The following PTPRQ variants were observed in gnomAD, a reference collection of about 807,000 sequenced individuals.
The protein encoded by PTPRQ is phosphatidylinositol phosphatase PTPRQ.
A neutral mutation model predicts 246.0 loss-of-function variants in PTPRQ; 199 were observed. The ratio of observed to expected loss-of-function variants is 0.81; its 90% CI spans 0.72 to 0.91. The LOEUF (loss-of-function observed/expected upper bound fraction) is 0.91, where lower values mean the gene tolerates loss of function less well. Among genes scored for constraint, PTPRQ ranks in the 40% least tolerant of loss-of-function variants. The pLI is 0.00. For missense variants in PTPRQ, 2,624 were observed against 2,528.4 expected (o/e 1.04, Z -0.81); for synonymous variants, 869 against 853.2 (o/e 1.02, Z -0.32).
At chr12:80,570,826 A>G (rs1448314257) in intron 25 of PTPRQ, among the ~76,000 whole-genome samples, 1 of 152,130 alleles carries the variant, frequency 6.6e-6, no homozygotes, top group Non-Finnish European at 1.5e-5. Context: ...TCCCAACACC[A>G]TTTATTAAAT....
intron 25 of PTPRQ, among the ~76,000 whole-genome samples, chr12:80,552,819 A>G (rs572296631): frequency 6.6e-6 from 1 of 151,548 alleles, no homozygotes. Flanking sequence ...GTACTTTCCT[A>G]CTACTGAGTA....
At chr12:80,614,210 G>C (rs2121111766) in intron 29 of PTPRQ, among the ~76,000 whole-genome samples, 1 of 150,756 alleles carries the variant, frequency 6.6e-6, no homozygotes, top group East Asian at 2.0e-4. Context: ...ACAAAAGACA[G>C]AAATAATTGT....
intron 8 of PTPRQ, 65 bp from the exon 9 acceptor site, chr12:80,484,368 T>C (rs1451476710): frequency 1.6e-5 from 24 of 1,486,620 alleles, no homozygotes; most frequent in Non-Finnish European, 1.9e-5. Flanking sequence ...ATTTAGGCAC[T>C]TTTTTCACTT....
chr12:80,632,166 A>G (rs1899462529), intron 33 of PTPRQ, 26 bp from the exon 34 acceptor site: 1 of 1,538,504 alleles, frequency 6.5e-7, no homozygotes, highest in South Asian at 1.2e-5. Flanking sequence ...ATAATATTTA[A>G]TGATCCTGTT....
At chr12:80,650,284 G>A (rs1481552758) in intron 37 of PTPRQ, among the ~76,000 whole-genome samples, 1 of 151,018 alleles carries the variant, frequency 6.6e-6, no homozygotes, top group Admixed American at 6.6e-5. Flanking sequence ...TTAAGAATTT[G>A]TCACTTTAAA....
chr12:80,669,662 C>G (rs746209960), intron 41 of PTPRQ, among the ~76,000 whole-genome samples, 198 bp downstream of exon 41: 1 of 151,966 alleles, frequency 6.6e-6, no homozygotes, highest in Non-Finnish European at 1.5e-5. Context: ...TTCCAGATCA[C>G]TCTAGTTAAA....
chr12:80,567,333 G>C (rs1897008506), intron 25 of PTPRQ, among the ~76,000 whole-genome samples: 1 of 152,132 alleles, frequency 6.6e-6, no homozygotes, highest in Admixed American at 6.6e-5. Context: ...TTATGGGAAA[G>C]CTTTTTTCAT....
At chr12:80,550,026 A>T (rs182084052) in intron 25 of PTPRQ, among the ~76,000 whole-genome samples, 9 of 152,262 alleles carry the variant, frequency 5.9e-5, no homozygotes, top group African/African-American at 1.4e-4. Flanking sequence ...ATTGTGATTT[A>T]AAAGAAGAAA....
chr12:80,606,166 G>C lies in PTPRQ; in HGVS notation c.4731+986G>C, dbSNP rs146325044. 1.7e-3 allele frequency among the ~76,000 whole-genome samples: 258 copies of C among 151,164 alleles called. 1 individual carries two copies. Among genetic ancestry groups the C allele is most frequent in the African/African-American group, 6.1e-3 (252 of 41,432 alleles). On this transcript the variant is annotated intron_variant, in intron 27 of 44. Coordinates refer to ENST00000644991, the MANE Select transcript of PTPRQ (RefSeq NM_001145026.2). ...GTTCAGTATTAGACACACTGAGTTT[G>C]AAATATGTGGCAGTCCTCCAGGTCA...
At position 80,674,777 on chromosome 12, in the gene PTPRQ, C is replaced by T. The variant is rs77843225; in HGVS notation, c.6738+1473C>T. On this transcript the variant is annotated intron_variant, in intron 43 of 44. Coordinates refer to ENST00000644991, the MANE Select transcript of PTPRQ (RefSeq NM_001145026.2). ...TATATACTTAAGACAAAATACTTCT[C>T]TTTTGATAGTGGTTTTAAGTACATA... Among the ~76,000 whole-genome samples the T allele has an allele frequency of 7.9e-3, 1,197 of 152,152 alleles. 8 individuals carry two copies. The highest frequency in any genetic ancestry group is 0.028 in the African/African-American group (1,154 of 41,528).
chr12:80,619,647 CTCT>C lies in PTPRQ; in HGVS notation c.5389+107_5389+109del, dbSNP rs1172679764. 3.4e-5 allele frequency: 30 copies of C among 876,000 alleles called. No homozygotes were observed. In the African/African-American group the frequency reaches 4.5e-4, roughly 13 times the overall value. 54.3% of individuals were successfully genotyped at this position (876,000 alleles called of 1,614,324 possible). A position where few individuals can be genotyped will look rare whatever the true frequency, so the allele number is the denominator to read the frequency against. On this transcript the variant is annotated intron_variant, in intron 31 of 44. Transcript: ENST00000644991. Reference sequence around the variant, plus strand: ...AGATTGACTCCCAGTTATCACACACCTCTTGAGATTAATAGATTGTCAATATTA... The same window carrying C: ...AGATTGACTCCCAGTTATCACACACCTGAGATTAATAGATTGTCAATATTA...
At chr12:80,491,254 C>G (rs1397935798) in intron 9 of PTPRQ, among the ~76,000 whole-genome samples, 1 of 151,912 alleles carries the variant, frequency 6.6e-6, no homozygotes, top group East Asian at 1.9e-4. Flanking sequence ...TTTGTGCTAC[C>G]TCACTATAGT....
chr12:80,542,484 A>G, intron 22 of PTPRQ, 120 bp downstream of exon 22: 1 of 1,376,722 alleles, frequency 7.3e-7, no homozygotes, highest in East Asian at 2.6e-5. Context: ...CAGCCTTACC[A>G]TTATATTTAC....
rs1347802282 is a variant in PTPRQ, at chr12:80,484,580, A to C, written c.1334A>C (p.Asn445Thr). Residue 445 changes from asparagine (N) to threonine (T), a missense_variant, in exon 9 of 45, where the codon AAT becomes ACT. By Grantham distance (65) the Asn-to-Thr change is moderately conservative. Coordinates refer to ENST00000644991, the MANE Select transcript of PTPRQ (RefSeq NM_001145026.2). ...LVPETGIILE[N>T]TLLTGNNEYI... ...CCAGAGACAGGAATAATTTTGGAAA[A>C]TACTTTGCTCACTGGAAATAATGAG... 6.5e-7 allele frequency: 1 copy of C among 1,550,194 alleles called. No homozygotes were observed. The highest frequency in any genetic ancestry group is 1.4e-5 in the African/African-American group (1 of 72,938).
At chr12:80,673,376 T>A in intron 43 of PTPRQ, 72 bp downstream of exon 43, 1 of 1,509,634 alleles carries the variant, frequency 6.6e-7, no homozygotes, top group African/African-American at 1.4e-5. Flanking sequence ...GTGGCAGCAA[T>A]CTGGATGGAC....
chr12:80,534,041 A>T lies in PTPRQ; in HGVS notation c.2705A>T (p.Asn902Ile). ...VWNRSSLKTI[N>I]VTETSLELSD... The stretch of plus-strand genomic sequence containing the variant: ...AATAGATCATCATTAAAAACTATTA[A>T]TGTCACTGAAACATCATTGGAGTTA... The change falls in exon 18 of 45, where the codon AAT becomes ATT. Residue 902 changes from asparagine (N) to isoleucine (I), a missense_variant. Physicochemically the swap from Asn to Ile is moderately radical, Grantham distance 149. Coordinates refer to ENST00000644991, the MANE Select transcript of PTPRQ (RefSeq NM_001145026.2). The T allele has an allele frequency of 6.6e-7, 1 of 1,522,706 alleles. No individual in the cohort carries two copies. Among genetic ancestry groups the T allele is most frequent in the Non-Finnish European group, 8.8e-7 (1 of 1,136,138 alleles). 94.3% of individuals were successfully genotyped at this position (1,522,706 alleles called of 1,614,324 possible).
intron 35 of PTPRQ, among the ~76,000 whole-genome samples, chr12:80,644,242 C>T (rs548385964): frequency 3.3e-5 from 5 of 152,088 alleles, no homozygotes; most frequent in South Asian, 2.1e-4. Flanking sequence ...TGAGTCCAGA[C>T]GTGAAATAAG....
chr12:80,583,950 A>T (rs1897530084), intron 25 of PTPRQ: 1 of 152,100 alleles, frequency 6.6e-6, no homozygotes, highest in Admixed American at 6.6e-5. Context: ...TGTGTTCCTT[A>T]TCATGCAGCT....
intron 38 of PTPRQ, among the ~76,000 whole-genome samples, chr12:80,654,851 C>T: frequency 6.6e-6 from 1 of 151,726 alleles, no homozygotes; most frequent in East Asian, 1.9e-4. Context: ...CAGAGCGAGA[C>T]TCTATCTCAA....
Sources: allele counts gnomAD v4.1 joint callset (sites outside exome capture counted in the v4.1 genomes callset), GRCh38; gene constraint gnomAD v4.1.1; transcripts MANE v1.5; gene names NCBI Gene and HGNC (gene_info 2026-07-23, HGNC 2026-07-21).